NEBL: variants seen among roughly 807,000 people sequenced by gnomAD.
NEBL encodes LIM and SH3 protein 2.
A neutral mutation model predicts 140.2 loss-of-function variants in NEBL; 122 were observed. The observed-to-expected ratio is 0.87, with a 90% CI of 0.75 to 1.01. NEBL has a LOEUF of 1.01. Among genes scored for constraint, NEBL ranks in the 50% least tolerant of loss-of-function variants. The pLI is 0.00. For missense variants in NEBL, 1,365 were observed against 1,231.3 expected (o/e 1.11, Z -1.62); for synonymous variants, 436 against 398.9 (o/e 1.09, Z -1.11).
chr10:20,883,750 A>G (rs188763805), intron 4 of NEBL, among the ~76,000 whole-genome samples: 189 of 152,348 alleles, frequency 1.2e-3, no homozygotes, highest in African/African-American at 3.9e-3. Flanking sequence ...TATCACAGAA[A>G]TGATGAGTCA....
At chr10:20,832,194 G>A (rs2130913667) in intron 14 of NEBL, among the ~76,000 whole-genome samples, 1 of 152,254 alleles carries the variant, frequency 6.6e-6, no homozygotes. Flanking sequence ...AAGTCTCTGG[G>A]ATCTGCTGGA....
intron 2 of NEBL, among the ~76,000 whole-genome samples, chr10:21,034,983 T>C (rs1337427580): frequency 2.0e-5 from 3 of 146,472 alleles, no homozygotes; most frequent in African/African-American, 8.0e-5. Context: ...TATTTATTTA[T>C]TTATTTTTGA....
chr10:20,931,744 T>C (rs1175316709), intron 4 of NEBL, among the ~76,000 whole-genome samples: 1 of 152,082 alleles, frequency 6.6e-6, no homozygotes, highest in Non-Finnish European at 1.5e-5. Flanking sequence ...GAACTTGAAA[T>C]CAAAACTCTT....
chr10:21,288,747 G>A (rs183280576), intron 1 of NEBL, among the ~76,000 whole-genome samples: 16,723 of 109,998 alleles, frequency 0.15, 1,419 homozygotes, highest in South Asian at 0.22. Context: ...GCGACAGAGC[G>A]AGACTCCATC....
At chr10:20,930,636 A>G (rs944504895) in intron 4 of NEBL, among the ~76,000 whole-genome samples, 2 of 152,106 alleles carry the variant, frequency 1.3e-5, no homozygotes, top group African/African-American at 4.8e-5. Context: ...CTGATGACAC[A>G]CCATCCTCCT....
chr10:20,816,494 G>A (rs1458433885), intron 21 of NEBL, among the ~76,000 whole-genome samples: 1 of 152,128 alleles, frequency 6.6e-6, no homozygotes, highest in Non-Finnish European at 1.5e-5. Context: ...GAGAATAATG[G>A]AGTCACATCA....
rs1428868135 is a variant in NEBL at position 20,796,066 on chromosome 10, C to G, written c.2762-8758G>C. On this transcript the variant is annotated intron_variant, in intron 26 of 27. Transcript: ENST00000377122. ...ATTGATATATTTGACTTAGTTGTCT[C>G]AAATGAGAACTTCTAGGCTGGGCAC... Among the ~76,000 whole-genome samples the G allele has an allele frequency of 2.6e-5, 4 of 152,076 alleles. No individual in the cohort carries two copies. The East Asian group carries it at 7.7e-4, about 29-fold the overall frequency.
intron 1 of NEBL, among the ~76,000 whole-genome samples, chr10:21,267,070 G>A (rs952670254): frequency 3.9e-5 from 6 of 152,054 alleles, no homozygotes; most frequent in African/African-American, 1.2e-4. Context: ...CACTTGCCAG[G>A]TCCCAGCAAT....
chr10:20,791,211 T>A (rs1268366268), intron 26 of NEBL, among the ~76,000 whole-genome samples: 1 of 152,224 alleles, frequency 6.6e-6, no homozygotes, highest in Non-Finnish European at 1.5e-5. Flanking sequence ...AGGCTCTATA[T>A]GGAATATTCT....
At chr10:21,109,002 C>A (rs1416199067) in intron 2 of NEBL, among the ~76,000 whole-genome samples, 1 of 152,096 alleles carries the variant, frequency 6.6e-6, no homozygotes, top group African/African-American at 2.4e-5. Flanking sequence ...CTTTCTCTTG[C>A]CCGATTGCCC....
rs186493532 is a variant in NEBL at position 20,853,630 on chromosome 10, A to G, written c.904-981T>C. ...TAGTGAGACCCCAGTTCTACAAAAA[A>G]TAAAGAAATCAGCTGGGCATGGTGA... On this transcript the variant is annotated intron_variant, in intron 9 of 27. Coordinates refer to ENST00000377122, the MANE Select transcript of NEBL (RefSeq NM_006393.3). Among the ~76,000 whole-genome samples the G allele has an allele frequency of 6.8e-3, 1,033 of 152,274 alleles. 15 individuals carry two copies. The highest frequency in any genetic ancestry group is 0.024 in the African/African-American group (995 of 41,538).
At chr10:21,219,110 A>G (rs1455412966) in intron 3 of NEBL, among the ~76,000 whole-genome samples, 1 of 152,216 alleles carries the variant, frequency 6.6e-6, no homozygotes, top group East Asian at 1.9e-4. Context: ...CCCCTGCAGG[A>G]GCATGTGGTC....
chr10:21,120,403 TA>T (rs1838498091), intron 2 of NEBL, among the ~76,000 whole-genome samples: 1 of 119,924 alleles, frequency 8.3e-6, no homozygotes, highest in African/African-American at 3.8e-5. Context: ...CATATATATA[TA>T]TATATATATA....
intron 2 of NEBL, among the ~76,000 whole-genome samples, chr10:21,053,708 C>T (rs1019801729): frequency 6.6e-6 from 1 of 151,994 alleles, no homozygotes; most frequent in South Asian, 2.1e-4. Flanking sequence ...CATGAAGGGT[C>T]GCGTGTGAGT....
chr10:20,866,964 A>G (rs922755521), intron 7 of NEBL, among the ~76,000 whole-genome samples: 1 of 152,108 alleles, frequency 6.6e-6, no homozygotes, highest in Non-Finnish European at 1.5e-5. Context: ...TACAAAAATA[A>G]ATTCCTTTTC....
At chr10:21,180,953 T>G (rs544960991) in intron 3 of NEBL, among the ~76,000 whole-genome samples, 1 of 152,220 alleles carries the variant, frequency 6.6e-6, no homozygotes, top group Admixed American at 6.5e-5. Context: ...GCACTGTATT[T>G]TTTTTAAATA....
intron 1 of NEBL, among the ~76,000 whole-genome samples, chr10:21,266,975 T>C (rs1456106935): frequency 6.6e-6 from 1 of 151,910 alleles, no homozygotes; most frequent in African/African-American, 2.4e-5. Context: ...TGGGGTTTTT[T>C]TTGTTTTTTG....
chr10:21,028,619 T>G (rs1244326630), intron 2 of NEBL, among the ~76,000 whole-genome samples: 1 of 152,194 alleles, frequency 6.6e-6, no homozygotes, highest in Non-Finnish European at 1.5e-5. Context: ...TGAGAAAGGT[T>G]AGAATATTAT....
At chr10:20,937,193 T>G (rs1257342538) in intron 4 of NEBL, among the ~76,000 whole-genome samples, 1 of 152,272 alleles carries the variant, frequency 6.6e-6, no homozygotes, top group African/African-American at 2.4e-5. Flanking sequence ...GTTAATAAAA[T>G]TCTTAAAGAC....
Sources: allele counts gnomAD v4.1 joint callset (sites outside exome capture counted in the v4.1 genomes callset), GRCh38; gene constraint gnomAD v4.1.1; transcripts MANE v1.5; gene names NCBI Gene and HGNC (gene_info 2026-07-23, HGNC 2026-07-21).